The following COQ2 variants were observed in gnomAD, a reference collection of about 807,000 sequenced individuals.
COQ2 encodes coenzyme Q2, polyprenyltransferase, also known as 4-hydroxybenzoate polyprenyltransferase, mitochondrial.
Under a neutral mutation model 35.7 loss-of-function variants are expected in COQ2, and 25 were observed. That is an observed-to-expected ratio of 0.70 (90% CI 0.51 to 0.98). The LOEUF (loss-of-function observed/expected upper bound fraction) is 0.98. Among genes scored for constraint, COQ2 ranks in the 50% least tolerant of loss-of-function variants. COQ2 has a pLI of 0.00. For missense variants in COQ2, 488 were observed against 473.5 expected (o/e 1.03, Z -0.28); for synonymous variants, 206 against 186.2 (o/e 1.11, Z -0.86).
intron 6 of COQ2, chr4:83,267,090 C>T (rs1487728479): frequency 2.3e-6 from 1 of 440,698 alleles, no homozygotes; most frequent in African/African-American, 2.1e-5. Flanking sequence ...AATAATATAC[C>T]TTGGCTGGGG....
intron 1 of COQ2, 147 bp from the exon 2 acceptor site, chr4:83,279,261 A>G (rs773271775): frequency 6.8e-6 from 7 of 1,030,922 alleles, no homozygotes; most frequent in Non-Finnish European, 9.3e-6. Flanking sequence ...TTGCAACTCA[A>G]ATCACAAAGG....
At chr4:83,279,754 C>T (rs906076985) in intron 1 of COQ2, among the ~76,000 whole-genome samples, 4 of 152,038 alleles carry the variant, frequency 2.6e-5, no homozygotes, top group Non-Finnish European at 5.9e-5. Context: ...TCACTCTATA[C>T]CCTGGCACCT....
In COQ2 at chr4:83,267,514, G is replaced by A. The variant is rs145182498; in HGVS notation, c.951+72C>T. The A allele has an allele frequency of 6.5e-4, 885 of 1,352,852 alleles. 7 individuals are homozygous for A. The East Asian group carries it at 0.018, about 28-fold the overall frequency. 83.8% of individuals were successfully genotyped at this position (1,352,852 alleles called of 1,614,324 possible). A position where few individuals can be genotyped will look rare whatever the true frequency, so the allele number is the denominator to read the frequency against. ...AGTTCCTTGCCAGGTAAACACAGAG[G>A]GCATACTGTTTAAATAATTTTTATA... On this transcript the variant is annotated intron_variant, in intron 6 of 6. Coordinates refer to ENST00000647002, the MANE Select transcript of COQ2 (RefSeq NM_001358921.2).
intron 5 of COQ2, among the ~76,000 whole-genome samples, chr4:83,268,684 C>A (rs1014164113): frequency 6.6e-6 from 1 of 152,144 alleles, no homozygotes; most frequent in African/African-American, 2.4e-5. Flanking sequence ...CATTCCAGAC[C>A]TTACCGCAAA....
intron 5 of COQ2, among the ~76,000 whole-genome samples, chr4:83,269,523 G>C (rs529419396): frequency 9.2e-5 from 14 of 152,194 alleles, no homozygotes; most frequent in Non-Finnish European, 1.9e-4. Flanking sequence ...GTTAAATGAG[G>C]ATAATGTAAG....
chr4:83,284,872 G>T (rs1735434311), upstream of COQ2: 5 of 1,529,028 alleles, frequency 3.3e-6, no homozygotes, highest in East Asian at 1.3e-4. Context: ...GCGGCGGTGT[G>T]GGCAGAACCT....
In COQ2 at chr4:83,284,547, G is replaced by C. The variant is rs1206612195; in HGVS notation, c.218C>G (p.Pro73Arg). 24 of 1,572,060 alleles carry C rather than the reference G, an allele frequency of 1.5e-5. No individual in the cohort carries two copies. The highest frequency in any genetic ancestry group is 2.1e-5 in the Non-Finnish European group (24 of 1,160,716). The change falls in exon 1 of 7, where the codon CCG (proline) becomes CGG (arginine). Residue 73 changes from proline (P) to arginine (R), a missense_variant. Coordinates refer to ENST00000647002, the MANE Select transcript of COQ2 (RefSeq NM_001358921.2). Reference sequence around the variant, plus strand: ...GTCCAACCGCATGAGGCGCAAGTACGGCTGCAGGGGGCGGGGCGCAGAGTC... The same window carrying C: ...GTCCAACCGCATGAGGCGCAAGTACCGCTGCAGGGGGCGGGGCGCAGAGTC... The part of the protein sequence containing the change: ...VVDSAPRPLQ[P>R]YLRLMRLDKP...
At chr4:83,264,507 C>A in intron 6 of COQ2, 144 bp from the exon 7 acceptor site, 4 of 1,243,912 alleles carry the variant, frequency 3.2e-6, no homozygotes, top group Non-Finnish European at 4.2e-6. Context: ...CACGAAGGCA[C>A]ATGCCTGTAG....
Position 83,279,048 on chromosome 4 carries a change from GGA to G in COQ2, c.318_319del (p.Pro107ArgfsTer23). The G allele has an allele frequency of 6.2e-7, 1 of 1,600,348 alleles. No individual in the cohort carries two copies. ...AAAGAGGGAGAGCATGTACCAATCT[GGA>G]AAACAACCTGGTTCAGCTGCCAAAC... On this transcript the variant is annotated frameshift_variant, in exon 2 of 7. Transcript: ENST00000647002. LOFTEE classifies it high-confidence loss of function.
At chr4:83,266,401 A>C (rs1477633778) in intron 6 of COQ2, among the ~76,000 whole-genome samples, 1 of 149,620 alleles carries the variant, frequency 6.7e-6, no homozygotes, top group Non-Finnish European at 1.5e-5. Flanking sequence ...TCTGTCGCCC[A>C]GGCTGGAGTG....
chr4:83,276,798 T>C (rs1216076834), intron 2 of COQ2, among the ~76,000 whole-genome samples: 1 of 152,120 alleles, frequency 6.6e-6, no homozygotes, highest in Non-Finnish European at 1.5e-5. Context: ...AACCAAAGTG[T>C]CCATCAATGG....
intron 6 of COQ2, chr4:83,267,146 C>T (rs1734937943): frequency 6.6e-6 from 3 of 453,570 alleles, no homozygotes; most frequent in Non-Finnish European, 4.4e-6. Context: ...GAGACCAGGG[C>T]AGGAAGATTG....
rs1278837739 is a variant in COQ2, at chr4:83,284,703, A to G, written c.62T>C (p.Leu21Pro). 3 of 1,488,706 alleles carry G rather than the reference A, an allele frequency of 2.0e-6. No homozygotes were observed. The highest frequency in any genetic ancestry group is 2.7e-6 in the Non-Finnish European group (3 of 1,125,554). The allele number at this position is 1,488,706 out of a possible 1,614,324, so 92.2% of individuals were successfully genotyped here. ...GAAGGAGCGGCCCCGCCAGCCCGGC[A>G]GCCACGCCAGTGCCACAGCCCGCAG... ...RGLRAVALAW[L>P]PGWRGRSFAL... Residue 21 changes from leucine (L) to proline (P), a missense_variant, in exon 1 of 7, where the codon CTG becomes CCG. Coordinates refer to ENST00000647002, the MANE Select transcript of COQ2 (RefSeq NM_001358921.2).
intron 4 of COQ2, 60 bp downstream of exon 4, chr4:83,272,027 C>T: frequency 9.2e-7 from 1 of 1,085,536 alleles, no homozygotes; most frequent in African/African-American, 1.6e-5. Context: ...TTACCTATCT[C>T]TCCATAAAAG....
chr4:83,264,777 T>C (rs1734871626), intron 6 of COQ2, among the ~76,000 whole-genome samples: 1 of 152,244 alleles, frequency 6.6e-6, no homozygotes, highest in African/African-American at 2.4e-5. Flanking sequence ...TCTAACGATT[T>C]AGAACGTTCT....
At position 83,264,311 on chromosome 4, in the gene COQ2, G is replaced by A; in HGVS notation, c.1004C>T (p.Ser335Phe). ...AACTATTAGTCCCAGTGTTCGGTTG[G>A]AGATAAATTTATTCCAACAATCCTC... ...RPEDCWNKFI[S>F]NRTLGLIVFL... Residue 335 changes from serine to phenylalanine, a missense_variant, in exon 7 of 7, where the codon TCC becomes TTC. Physicochemically the swap from Ser to Phe is radical, Grantham distance 155. Transcript: ENST00000647002. 6.2e-7 allele frequency: 1 copy of A among 1,612,540 alleles called. No individual in the cohort carries two copies. The highest frequency in any genetic ancestry group is 1.1e-5 in the South Asian group (1 of 90,588).
rs535335508 is a variant in COQ2 at position 83,264,209 on chromosome 4, A to G, written c.1106T>C (p.Ile369Thr). Residue 369 changes from isoleucine (I) to threonine (T), a missense_variant, in exon 7 of 7, where the codon ATA becomes ACA. Coordinates refer to ENST00000647002, the MANE Select transcript of COQ2 (RefSeq NM_001358921.2). ...GATAAATTTCATTCATTAATTTTCT[A>G]TTTTATTCTCTATACCCTTCTTTGT... ...DKTKKGIENK[I>T]EN 7.0e-6 allele frequency: 10 copies of G among 1,419,094 alleles called. No homozygotes were observed. In the East Asian group the frequency reaches 1.9e-4, roughly 27 times the overall value. The allele number at this position is 1,419,094 out of a possible 1,614,324, so 87.9% of individuals were successfully genotyped here.
intron 5 of COQ2, among the ~76,000 whole-genome samples, chr4:83,269,231 A>AT (rs1049466752): frequency 2.6e-5 from 4 of 151,858 alleles, no homozygotes; most frequent in Non-Finnish European, 2.9e-5. Context: ...GAAACTGTGA[A>AT]TTTTTTTTTA....
chr4:83,269,149 T>A (rs1163045659), intron 5 of COQ2, among the ~76,000 whole-genome samples: 1 of 152,204 alleles, frequency 6.6e-6, no homozygotes, highest in Non-Finnish European at 1.5e-5. Flanking sequence ...AAACTCCTAT[T>A]CAAGAAGTAT....
Sources: gnomAD v4.1 joint callset for allele counts (sites outside exome capture counted in the v4.1 genomes callset) on GRCh38, gnomAD v4.1.1 for gene constraint, MANE v1.5 for transcripts, NCBI Gene and HGNC (gene_info 2026-07-23, HGNC 2026-07-21) for gene names.